HECTD4: variants seen among roughly 807,000 people sequenced by gnomAD.
HECTD4 encodes the protein HECT domain E3 ubiquitin protein ligase 4.
In HECTD4, 114 loss-of-function variants were observed where a neutral mutation model predicts 471.5. That is an observed-to-expected ratio of 0.24 (90% CI 0.21 to 0.28). The LOEUF is 0.28. Among genes scored for constraint, HECTD4 ranks in the 10% least tolerant of loss-of-function variants. The pLI is 1.00. For synonymous variants in HECTD4, 2,012 were observed against 2,256.0 expected, an observed-to-expected ratio of 0.89 and a Z score of 3.07; for missense variants, 3,866 against 5,651.5, an observed-to-expected ratio of 0.68 and a Z score of 10.13.
At chr12:112,209,795 T>C (rs2032708050) in intron 50 of HECTD4, among the ~76,000 whole-genome samples, 1 of 152,236 alleles carries the variant, frequency 6.6e-6, no homozygotes, top group Non-Finnish European at 1.5e-5. Context: ...CCCTAAGGCA[T>C]AGCAGGCTTC....
intron 1 of HECTD4, among the ~76,000 whole-genome samples, chr12:112,336,986 GT>G (rs2035969606): frequency 6.6e-6 from 1 of 152,172 alleles, no homozygotes; most frequent in African/African-American, 2.4e-5. Context: ...GATAGTTCTT[GT>G]AATGTAAATG....
intron 48 of HECTD4, among the ~76,000 whole-genome samples, chr12:112,214,997 A>T (rs1342581322): frequency 2.0e-5 from 3 of 152,132 alleles, no homozygotes; most frequent in Admixed American, 2.0e-4. Flanking sequence ...CTACTAAAAT[A>T]CAAAAATTAG....
intron 1 of HECTD4, among the ~76,000 whole-genome samples, chr12:112,368,713 C>G (rs1251833215): frequency 6.6e-6 from 1 of 152,080 alleles, no homozygotes. Context: ...TAATTTCGTT[C>G]TGGTGGAATG....
Position 112,172,794 on chromosome 12 carries a change from C to G in HECTD4, c.11662G>C (p.Ala3888Pro), listed in dbSNP as rs1458444294. 3 of 1,613,994 alleles carry G rather than the reference C, an allele frequency of 1.9e-6. No individual in the cohort carries two copies. In the South Asian group the frequency reaches 3.3e-5, roughly 18 times the overall value. ...AGCTGGTTGATGTACTGCACAAGTG[C>G]CACGTCCATCTCCAGGGTCCACTTT... ...SRKWTLEMDV[A>P]LVQYINQLCR... Residue 3888 changes from alanine to proline, a missense_variant, in exon 67 of 76, where the codon GCA becomes CCA. Ala to Pro is a conservative substitution (Grantham distance 27). Coordinates refer to ENST00000682272, the MANE Select transcript of HECTD4 (RefSeq NM_001388303.1).
intron 1 of HECTD4, among the ~76,000 whole-genome samples, chr12:112,355,049 C>T (rs903069450): frequency 2.9e-4 from 44 of 150,484 alleles, no homozygotes; most frequent in Non-Finnish European, 3.0e-5. Context: ...GGCGCTATCT[C>T]GGCTCACTGC....
At position 112,160,197 on chromosome 12, in the gene HECTD4, A is replaced by G. The variant is rs563428100; in HGVS notation, c.*2190T>C. 5 of 152,346 alleles carry G rather than the reference A, an allele frequency of 3.3e-5. No individual in the cohort carries two copies. The highest frequency in any genetic ancestry group is 1.2e-4 in the African/African-American group (5 of 41,576). 9.4% of individuals were successfully genotyped at this position (152,346 alleles called of 1,614,324 possible). On this transcript the variant is annotated 3_prime_UTR_variant, in exon 76 of 76. Coordinates refer to ENST00000682272, the MANE Select transcript of HECTD4 (RefSeq NM_001388303.1). ...ACGTCAAATGCCAAGAGACCATAATAATTAGAAACACTTTAATTCCTAGCC... is the reference window on the plus strand; with the variant it reads ...ACGTCAAATGCCAAGAGACCATAATGATTAGAAACACTTTAATTCCTAGCC...
intron 70 of HECTD4, 114 bp from the exon 71 acceptor site, chr12:112,168,031 G>C: frequency 2.4e-6 from 2 of 845,156 alleles, no homozygotes; most frequent in Non-Finnish European, 3.9e-6. Flanking sequence ...CCTACCTGCC[G>C]CTGTGGCGGG....
chr12:112,231,563 C>T lies in HECTD4; in HGVS notation c.6150G>A (p.Lys2050=). The change falls in exon 39 of 76, where the codon AAG becomes AAA. Residue 2050 remains lysine, a synonymous_variant. Coordinates refer to ENST00000682272, the MANE Select transcript of HECTD4 (RefSeq NM_001388303.1). ...TVSGLSTGDK[K]KTAQTSICRE... Reference sequence around the variant, plus strand: ...GGCAAATGGAAGTTTGGGCAGTTTTCTTTTTGTCGCCTGTGGATAGTCCAC... The same window carrying T: ...GGCAAATGGAAGTTTGGGCAGTTTTTTTTTTGTCGCCTGTGGATAGTCCAC... The T allele has an allele frequency of 6.2e-7, 1 of 1,614,008 alleles. No individual in the cohort carries two copies.
At chr12:112,252,364 G>C (rs901965630) in intron 23 of HECTD4, 60 bp downstream of exon 23, 2 of 1,487,428 alleles carry the variant, frequency 1.3e-6, no homozygotes, top group African/African-American at 1.4e-5. Flanking sequence ...TATGCTGTAT[G>C]TAATCAAGGC....
At position 112,228,723 on chromosome 12, in the gene HECTD4, A is replaced by C; in HGVS notation, c.6608T>G (p.Ile2203Arg). 6.2e-7 allele frequency: 1 copy of C among 1,613,434 alleles called. No homozygotes were observed. The highest frequency in any genetic ancestry group is 8.5e-7 in the Non-Finnish European group (1 of 1,179,444). Residue 2203 changes from isoleucine to arginine, a missense_variant, in exon 42 of 76, where the codon ATA becomes AGA. By Grantham distance (97) the Ile-to-Arg change is moderately conservative (BLOSUM62 -3). Transcript: ENST00000682272. This position sits in a 1 kb window ranked among gnomAD's most constrained non-coding sequence, Gnocchi z 4.9. The part of the protein sequence containing the change: ...EGIATVRFPP[I>R]DCRKTSQASD... Reference sequence around the variant, plus strand: ...CGCTTGCGAAGTCTTTCTACAGTCTATGGGTGGGAATCTGACTGTAGCTAT... The same window carrying C: ...CGCTTGCGAAGTCTTTCTACAGTCTCTGGGTGGGAATCTGACTGTAGCTAT...
chr12:112,196,857 G>A (rs1373612882), intron 55 of HECTD4, among the ~76,000 whole-genome samples: 5 of 152,084 alleles, frequency 3.3e-5, no homozygotes, highest in Non-Finnish European at 7.4e-5. Flanking sequence ...GTGCAGTGGT[G>A]TGATCTCGGC....
chr12:112,212,146 AC>A (rs1179151841), intron 49 of HECTD4, among the ~76,000 whole-genome samples: 1 of 152,242 alleles, frequency 6.6e-6, no homozygotes, highest in Non-Finnish European at 1.5e-5. Flanking sequence ...ATACTGAGCA[AC>A]CAAAGAGAAT....
At chr12:112,189,279 G>A (rs746200665) in intron 60 of HECTD4, among the ~76,000 whole-genome samples, 2 of 152,064 alleles carry the variant, frequency 1.3e-5, no homozygotes, top group African/African-American at 2.4e-5. Flanking sequence ...CAGGCCGGGC[G>A]CAGTGGCTGA....
chr12:112,163,515 CG>C lies in HECTD4; in HGVS notation c.12897+26del. The stretch of plus-strand genomic sequence containing the variant: ...GCACGCCTGGGGCTCACCACCTCCC[CG>C]CCCAGCCTGGCCCTGGGATGTCTAC... On this transcript the variant is annotated intron_variant, in intron 74 of 75. Transcript: ENST00000682272. The surrounding 1 kb of genome is among the most constrained non-coding windows in gnomAD (Gnocchi z 8.2). The C allele has an allele frequency of 6.2e-6, 9 of 1,446,982 alleles. No homozygotes were observed. The highest frequency in any genetic ancestry group is 8.2e-6 in the Non-Finnish European group (9 of 1,095,434). The allele number at this position is 1,446,982 out of a possible 1,614,324, so 89.6% of individuals were successfully genotyped here.
At chr12:112,375,596 A>G (rs2036761482) in intron 1 of HECTD4, among the ~76,000 whole-genome samples, 1 of 152,198 alleles carries the variant, frequency 6.6e-6, no homozygotes. Context: ...AGGAAGCAGA[A>G]TGCTTTTGGA....
At chr12:112,314,843 G>T (rs1442881885) in intron 2 of HECTD4, among the ~76,000 whole-genome samples, 1 of 152,142 alleles carries the variant, frequency 6.6e-6, no homozygotes, top group Non-Finnish European at 1.5e-5. Flanking sequence ...CGAGCACAAA[G>T]AACTTGTGGC....
At chr12:112,225,384 C>T (rs932623161) in intron 44 of HECTD4, among the ~76,000 whole-genome samples, 1 of 150,208 alleles carries the variant, frequency 6.7e-6, no homozygotes, top group Non-Finnish European at 1.5e-5. Flanking sequence ...TTAAAGCCGT[C>T]CATTTCTAAC....
intron 55 of HECTD4, among the ~76,000 whole-genome samples, chr12:112,200,373 C>T (rs1196890936): frequency 2.0e-5 from 3 of 152,046 alleles, no homozygotes; most frequent in Non-Finnish European, 2.9e-5. Context: ...GGGCTGGTCT[C>T]GAACTTGTGA....
At chr12:112,304,793 G>A (rs1020247633) in intron 7 of HECTD4, among the ~76,000 whole-genome samples, 6 of 152,156 alleles carry the variant, frequency 3.9e-5, no homozygotes, top group African/African-American at 1.4e-4. Context: ...AGAGGACACT[G>A]TGAGATTCAA....
Sources: gnomAD v4.1 joint callset for allele counts (sites outside exome capture counted in the v4.1 genomes callset) on GRCh38, gnomAD v4.1.1 for gene constraint, Gnocchi (gnomAD v3.1) non-coding constraint, MANE v1.5 for transcripts, NCBI Gene and HGNC (gene_info 2026-07-23, HGNC 2026-07-21) for gene names.